Variants in DPP10 observed in about 807,000 individuals in gnomAD.
DPP10 encodes inactive dipeptidyl peptidase 10.
DPP10 carries 33 observed loss-of-function variants against 120.9 expected under a neutral mutation model. The ratio of observed to expected loss-of-function variants is 0.27; its 90% CI spans 0.21 to 0.37. The LOEUF is 0.37. DPP10 is among the 10% of genes least tolerant of loss of function. The pLI, the probability that DPP10 is intolerant of heterozygous loss-of-function variation, is 1.00. For missense variants in DPP10, 816 were observed against 942.8 expected (o/e 0.87, Z 1.76); for synonymous variants, 337 against 326.1 (o/e 1.03, Z -0.36).
At chr2:114,528,317 A>G (rs1047416249) in intron 1 of DPP10, among the ~76,000 whole-genome samples, 8 of 152,198 alleles carry the variant, frequency 5.3e-5, no homozygotes, top group Admixed American at 3.9e-4. Flanking sequence ...ACAGTCAGCC[A>G]GAAGTGCTTG....
rs1339125733 is a variant in DPP10 at position 114,929,911 on chromosome 2, G to A, written c.61-379328G>A. Among the ~76,000 whole-genome samples, 4 of 152,106 alleles carry A rather than the reference G, an allele frequency of 2.6e-5. No individual in the cohort carries two copies. The East Asian group carries it at 7.7e-4, about 29-fold the overall frequency. On this transcript the variant is annotated intron_variant, in intron 1 of 25. Coordinates refer to ENST00000410059, the MANE Select transcript of DPP10 (RefSeq NM_020868.6). ...AGAAATTATAAAAATATTAATTTGG[G>A]GAACTAATAAATGTCCATGAAATCT... is the stretch of plus-strand genomic sequence containing the variant.
intron 1 of DPP10, among the ~76,000 whole-genome samples, chr2:114,626,405 T>C (rs2105353260): frequency 6.6e-6 from 1 of 152,194 alleles, no homozygotes; most frequent in Middle Eastern, 3.4e-3. Context: ...AGAATTTAGA[T>C]ATTGTTTTTC....
intron 5 of DPP10, among the ~76,000 whole-genome samples, chr2:115,534,557 G>A (rs1234983914): frequency 6.6e-6 from 1 of 151,958 alleles, no homozygotes; most frequent in Admixed American, 6.6e-5. Context: ...TTTGAATAAT[G>A]CCGCAATAAA....
chr2:115,442,120 T>G (rs2072125052), intron 3 of DPP10, among the ~76,000 whole-genome samples: 1 of 152,108 alleles, frequency 6.6e-6, no homozygotes, highest in Non-Finnish European at 1.5e-5. Flanking sequence ...CTGACAAGTT[T>G]TTTTTTTAAA....
intron 1 of DPP10, among the ~76,000 whole-genome samples, chr2:114,459,124 C>T (rs1331538691): frequency 6.6e-6 from 1 of 152,130 alleles, no homozygotes; most frequent in Admixed American, 6.6e-5. Flanking sequence ...TAACACAAAA[C>T]GAGCTAAAGA....
At chr2:115,071,763 G>A (rs1468527844) in intron 1 of DPP10, among the ~76,000 whole-genome samples, 1 of 152,124 alleles carries the variant, frequency 6.6e-6, no homozygotes, top group African/African-American at 2.4e-5. Context: ...GGCCTGGCAG[G>A]GAAGCGATGT....
chr2:114,806,929 G>A (rs184138936), intron 1 of DPP10, among the ~76,000 whole-genome samples: 1 of 152,200 alleles, frequency 6.6e-6, no homozygotes, highest in East Asian at 1.9e-4. Flanking sequence ...CTCACCGTCT[G>A]CACAGCTAGT....
intron 5 of DPP10, among the ~76,000 whole-genome samples, chr2:115,646,560 A>G (rs2087278192): frequency 6.6e-6 from 1 of 152,134 alleles, no homozygotes; most frequent in Non-Finnish European, 1.5e-5. Flanking sequence ...TTTAGCAAAC[A>G]TTTAGTTATT....
At chr2:115,381,837 T>C (rs1301749122) in intron 3 of DPP10, among the ~76,000 whole-genome samples, 1 of 151,570 alleles carries the variant, frequency 6.6e-6, no homozygotes, top group Non-Finnish European at 1.5e-5. Flanking sequence ...CTGCCCCTGC[T>C]GGGGGGTGCC....
chr2:114,830,638 A>AG (rs1687018797), intron 1 of DPP10, among the ~76,000 whole-genome samples: 1 of 152,202 alleles, frequency 6.6e-6, no homozygotes, highest in African/African-American at 2.4e-5. Context: ...AAATCGAAGC[A>AG]GATATAACAA....
intron 1 of DPP10, among the ~76,000 whole-genome samples, chr2:114,675,107 CT>C (rs956318045): frequency 6.6e-6 from 1 of 152,074 alleles, no homozygotes; most frequent in African/African-American, 2.4e-5. Flanking sequence ...AATTTTTCTT[CT>C]TTGAACTGTC....
chr2:115,816,986 C>T (rs868840488), intron 21 of DPP10, among the ~76,000 whole-genome samples: 3 of 150,320 alleles, frequency 2.0e-5, no homozygotes, highest in Non-Finnish European at 4.4e-5. Context: ...CGGTGGCTCA[C>T]GCCTGTAATC....
chr2:115,303,810 T>C (rs2105990996), intron 1 of DPP10, among the ~76,000 whole-genome samples: 1 of 152,100 alleles, frequency 6.6e-6, no homozygotes, highest in East Asian at 1.9e-4. Flanking sequence ...TTTTGTTAAA[T>C]GGTAAATGGT....
intron 3 of DPP10, among the ~76,000 whole-genome samples, chr2:115,364,821 G>T (rs13396321): frequency 6.6e-6 from 1 of 151,958 alleles, no homozygotes; most frequent in Non-Finnish European, 1.5e-5. Context: ...TGGTACAACA[G>T]ACCCTAATTT....
intron 1 of DPP10, among the ~76,000 whole-genome samples, chr2:114,466,457 C>T (rs558039782): frequency 2.3e-4 from 35 of 152,192 alleles, no homozygotes; most frequent in African/African-American, 8.2e-4. Flanking sequence ...GAGCACTGGC[C>T]CTGGCACCAG....
intron 1 of DPP10, among the ~76,000 whole-genome samples, chr2:115,203,429 T>TAAA (rs2055885576): frequency 6.6e-6 from 1 of 152,160 alleles, no homozygotes; most frequent in Non-Finnish European, 1.5e-5. Flanking sequence ...GCTTCTTTTT[T>TAAA]AATTTTTTCT....
chr2:114,688,785 G>A (rs751298720), intron 1 of DPP10, among the ~76,000 whole-genome samples: 1 of 151,914 alleles, frequency 6.6e-6, no homozygotes, highest in Non-Finnish European at 1.5e-5. Flanking sequence ...ATTTCCCAGA[G>A]GAAGTCATGT....
chr2:114,887,967 G>C (rs536874915), intron 1 of DPP10, among the ~76,000 whole-genome samples: 3 of 151,604 alleles, frequency 2.0e-5, no homozygotes, highest in Non-Finnish European at 4.4e-5. Flanking sequence ...GTGAAACCCC[G>C]ACCGTCTCTA....
chr2:115,021,399 A>T (rs1206177676), intron 1 of DPP10, among the ~76,000 whole-genome samples: 2 of 152,176 alleles, frequency 1.3e-5, no homozygotes, highest in East Asian at 1.9e-4. Flanking sequence ...CTTTAAACAC[A>T]TAAACTGGAA....
Sources: gnomAD v4.1 joint callset for allele counts (sites outside exome capture counted in the v4.1 genomes callset) on GRCh38, gnomAD v4.1.1 for gene constraint, MANE v1.5 for transcripts, NCBI Gene and HGNC (gene_info 2026-07-23, HGNC 2026-07-21) for gene names.